The following RAB35 variants were observed in gnomAD, a reference collection of about 807,000 sequenced individuals.
RAB35 encodes the protein ras-related protein Rab-35.
A neutral mutation model predicts 28.9 loss-of-function variants in RAB35; 4 were observed. The observed-to-expected ratio is 0.14, with a 90% CI of 0.07 to 0.32. RAB35 has a LOEUF of 0.32. RAB35 is among the 10% of genes least tolerant of loss of function. The probability of loss-of-function intolerance (pLI) is 1.00; values close to 1 mark genes in which losing one functional copy is unlikely to be tolerated. For synonymous variants in RAB35, 99 were observed against 105.1 expected, an observed-to-expected ratio of 0.94 and a Z score of 0.35; for missense variants, 128 against 274.0, an observed-to-expected ratio of 0.47 and a Z score of 3.76.
intron 1 of RAB35, among the ~76,000 whole-genome samples, chr12:120,110,039 GC>G (rs1039611389): frequency 6.6e-6 from 1 of 152,168 alleles, no homozygotes; most frequent in Admixed American, 6.5e-5. Flanking sequence ...CGGCCTAAGT[GC>G]CTCTGTGAGC....
chr12:120,100,827 C>T (rs953134821), intron 3 of RAB35, among the ~76,000 whole-genome samples: 1 of 152,192 alleles, frequency 6.6e-6, no homozygotes, highest in Non-Finnish European at 1.5e-5. Context: ...CTGCTGAGAG[C>T]GCCGGGTCAG....
chr12:120,098,972 G>T (rs1262136232), intron 4 of RAB35, 37 bp from the exon 5 acceptor site: 1 of 1,613,872 alleles, frequency 6.2e-7, no homozygotes, highest in African/African-American at 1.3e-5. Flanking sequence ...GCCCTGAGGG[G>T]CGCAGCCGGC....
chr12:120,105,221 C>T (rs189204515), intron 2 of RAB35, among the ~76,000 whole-genome samples: 2 of 152,138 alleles, frequency 1.3e-5, no homozygotes, highest in African/African-American at 4.8e-5. Context: ...GGTAGGGGAA[C>T]GACATCCCAC....
In RAB35 at chr12:120,108,822, C is replaced by T. The variant is rs992337893; in HGVS notation, c.53-355G>A. 1.4e-5 allele frequency: 6 copies of T among 416,654 alleles called. No homozygotes were observed. The East Asian group carries it at 1.7e-4, about 12-fold the overall frequency. 25.8% of individuals were successfully genotyped at this position (416,654 alleles called of 1,614,324 possible). A position where few individuals can be genotyped will look rare whatever the true frequency, so the allele number is the denominator to read the frequency against. ...AACCACACGAAACGGCCCCCAAGTG[C>T]GTCTACAACATGGTCCCTAGAAAAG... On this transcript the variant is annotated intron_variant, in intron 1 of 5. Coordinates refer to ENST00000229340, the MANE Select transcript of RAB35 (RefSeq NM_006861.7).
Position 120,096,970 on chromosome 12 carries a change from C to A in RAB35, c.*275G>T. 1 of 1,443,796 alleles carries A rather than the reference C, an allele frequency of 6.9e-7. No homozygotes were observed. The highest frequency in any genetic ancestry group is 9.2e-7 in the Non-Finnish European group (1 of 1,088,644). The allele number at this position is 1,443,796 out of a possible 1,614,324, so 89.4% of individuals were successfully genotyped here. A position where few individuals can be genotyped will look rare whatever the true frequency, so the allele number is the denominator to read the frequency against. ...CAATATACACTATGTACAGACTCTG[C>A]GAATCAGTCCGCTCGGCGGGCAGCG... On this transcript the variant is annotated 3_prime_UTR_variant, in exon 6 of 6. Coordinates refer to ENST00000229340, the MANE Select transcript of RAB35 (RefSeq NM_006861.7).
At position 120,095,377 on chromosome 12, in the gene RAB35, C is replaced by G. The variant is rs1383040105; in HGVS notation, c.*1868G>C. On this transcript the variant is annotated 3_prime_UTR_variant, in exon 6 of 6. Transcript: ENST00000229340. ...TGCCAGAAGCCATGGGGGCTTCTAGCCTGGGCTGGAAGCCCCCAGGAACCC... is the reference window on the plus strand; with the variant it reads ...TGCCAGAAGCCATGGGGGCTTCTAGGCTGGGCTGGAAGCCCCCAGGAACCC... 1 of 152,210 alleles carries G rather than the reference C, an allele frequency of 6.6e-6. No individual in the cohort carries two copies. Among genetic ancestry groups the G allele is most frequent in the African/African-American group, 2.4e-5 (1 of 41,284 alleles). The allele number at this position is 152,210 out of a possible 1,614,324, so 9.4% of individuals were successfully genotyped here.
intron 3 of RAB35, among the ~76,000 whole-genome samples, chr12:120,100,830 C>T (rs911747602): frequency 6.6e-6 from 1 of 152,226 alleles, no homozygotes; most frequent in Non-Finnish European, 1.5e-5. Flanking sequence ...CTGAGAGCGC[C>T]GGGTCAGCAC....
In RAB35 at chr12:120,116,698, C is replaced by G; in HGVS notation, c.-48G>C. The G allele has an allele frequency of 2.5e-6, 3 of 1,220,488 alleles. No individual in the cohort carries two copies. The highest frequency in any genetic ancestry group is 3.1e-6 in the Non-Finnish European group (3 of 980,442). The allele number at this position is 1,220,488 out of a possible 1,614,324, so 75.6% of individuals were successfully genotyped here. A position where few individuals can be genotyped will look rare whatever the true frequency, so the allele number is the denominator to read the frequency against. On this transcript the variant is annotated 5_prime_UTR_variant, in exon 1 of 6. Coordinates refer to ENST00000229340, the MANE Select transcript of RAB35 (RefSeq NM_006861.7). ...GGGCGGGCGGGGTCGGTACTGGCCT[C>G]GCGATCCGCAGCTCCCTTCGGGCTG...
Position 120,110,567 on chromosome 12 carries a change from T to C in RAB35, c.53-2100A>G, listed in dbSNP as rs118059820. ...ACTGCATTTGGCTCCACAATTTTAATAGATTCTCAAGAAGGGCACTGCCTC... is the reference window on the plus strand; with the variant it reads ...ACTGCATTTGGCTCCACAATTTTAACAGATTCTCAAGAAGGGCACTGCCTC... On this transcript the variant is annotated intron_variant, in intron 1 of 5. Transcript: ENST00000229340. Among the ~76,000 whole-genome samples, 92 of 152,158 alleles carry C rather than the reference T, an allele frequency of 6.0e-4. 2 individuals are homozygous for C. In the East Asian group the frequency reaches 0.017, roughly 28 times the overall value.
intron 1 of RAB35, 52 bp from the exon 2 acceptor site, chr12:120,108,519 C>A: frequency 1.3e-6 from 2 of 1,534,134 alleles, no homozygotes; most frequent in East Asian, 2.3e-5. Context: ...CCCCTCCCCG[C>A]AGCCCCAGCC....
At chr12:120,115,770 T>C (rs59911114) in intron 1 of RAB35, among the ~76,000 whole-genome samples, 6,777 of 152,290 alleles carry the variant, frequency 0.045, 289 homozygotes, top group African/African-American at 0.11. Context: ...AAAGCACTTT[T>C]ATAATTTTGG....
chr12:120,105,540 G>T (rs1446159055), intron 2 of RAB35, among the ~76,000 whole-genome samples: 1 of 152,174 alleles, frequency 6.6e-6, no homozygotes, highest in African/African-American at 2.4e-5. Flanking sequence ...GTCACAGCAG[G>T]GGGAGGGAAG....
chr12:120,097,048 A>C lies in RAB35; in HGVS notation c.*197T>G. The stretch of plus-strand genomic sequence containing the variant: ...GGGGAGGAGGGGGCACCAGTAGGGA[A>C]GGGCGGGCTGGTCCAACACCTTCTT... On this transcript the variant is annotated 3_prime_UTR_variant, in exon 6 of 6. Coordinates refer to ENST00000229340, the MANE Select transcript of RAB35 (RefSeq NM_006861.7). 1.3e-6 allele frequency: 2 copies of C among 1,519,478 alleles called. No homozygotes were observed. Among genetic ancestry groups the C allele is most frequent in the Non-Finnish European group, 8.8e-7 (1 of 1,136,210 alleles). The allele number at this position is 1,519,478 out of a possible 1,614,324, so 94.1% of individuals were successfully genotyped here.
intron 2 of RAB35, among the ~76,000 whole-genome samples, chr12:120,105,151 G>C (rs1462712156): frequency 1.3e-5 from 2 of 152,216 alleles, no homozygotes; most frequent in Non-Finnish European, 2.9e-5. Flanking sequence ...AGGCTTCAGG[G>C]AGGACGTCAC....
At chr12:120,097,629 C>T (rs1875479399) in intron 5 of RAB35, among the ~76,000 whole-genome samples, 1 of 152,170 alleles carries the variant, frequency 6.6e-6, no homozygotes, top group Non-Finnish European at 1.5e-5. Flanking sequence ...CACCTGTAGT[C>T]CCAGCTACTT....
chr12:120,100,978 T>C (rs1350048103), intron 3 of RAB35, among the ~76,000 whole-genome samples: 1 of 152,210 alleles, frequency 6.6e-6, no homozygotes, highest in African/African-American at 2.4e-5. Context: ...TGATCAGAGA[T>C]GCCAAGAAAC....
At chr12:120,114,058 T>C (rs1175228404) in intron 1 of RAB35, among the ~76,000 whole-genome samples, 1 of 152,186 alleles carries the variant, frequency 6.6e-6, no homozygotes, top group East Asian at 1.9e-4. Flanking sequence ...TGCTGAGCTA[T>C]GTGATTTGGG....
intron 3 of RAB35, among the ~76,000 whole-genome samples, chr12:120,100,932 G>A (rs1875632992): frequency 6.6e-6 from 1 of 152,230 alleles, no homozygotes; most frequent in Non-Finnish European, 1.5e-5. Flanking sequence ...GAAGCCCAAG[G>A]AGCGGATGGC....
chr12:120,116,305 C>T (rs966834542), intron 1 of RAB35, among the ~76,000 whole-genome samples: 3 of 152,170 alleles, frequency 2.0e-5, no homozygotes, highest in Non-Finnish European at 4.4e-5. Context: ...AGTCCTGAGA[C>T]TCGAACCCAC....
Sources: gnomAD v4.1 joint callset for allele counts (sites outside exome capture counted in the v4.1 genomes callset) on GRCh38, gnomAD v4.1.1 for gene constraint, MANE v1.5 for transcripts, NCBI Gene and HGNC (gene_info 2026-07-23, HGNC 2026-07-21) for gene names.